Variants in EP300 observed in about 807,000 individuals in gnomAD.
The protein encoded by EP300 is EP300 lysine acetyltransferase, also known as histone acetyltransferase p300.
EP300 carries 31 observed loss-of-function variants against 264.0 expected under a neutral mutation model. That is an observed-to-expected ratio of 0.12 (90% CI 0.09 to 0.16). The LOEUF (loss-of-function observed/expected upper bound fraction) is 0.16, where lower values mean the gene tolerates loss of function less well. Among genes scored for constraint, EP300 ranks in the 10% least tolerant of loss-of-function variants. EP300 has a pLI of 1.00. For synonymous variants in EP300, 1,340 were observed against 1,045.4 expected, an observed-to-expected ratio of 1.28 and a Z score of -5.44; for missense variants, 2,766 against 3,052.9, an observed-to-expected ratio of 0.91 and a Z score of 2.21.
chr22:41,140,124 G>A lies in EP300; in HGVS notation c.1761-16G>A, dbSNP rs745888999. ...TGCTGACATGATATTACAGTGGTAG[G>A]ATTTTCTTTTTCCAGCGTCCAAGCC... On this transcript the variant is annotated splice_polypyrimidine_tract_variant and intron_variant, in intron 8 of 30. Transcript: ENST00000263253. The A allele has an allele frequency of 1.3e-6, 2 of 1,554,774 alleles. No homozygotes were observed. Among genetic ancestry groups the A allele is most frequent in the Non-Finnish European group, 1.8e-6 (2 of 1,126,116 alleles).
chr22:41,104,436 C>T (rs1009939367), intron 1 of EP300, among the ~76,000 whole-genome samples: 18 of 151,932 alleles, frequency 1.2e-4, no homozygotes, highest in African/African-American at 3.9e-4. Flanking sequence ...ATTACAGGCG[C>T]CCGCCACCAC....
At chr22:41,133,121 GGCATGA>G (rs1295890386) in intron 6 of EP300, among the ~76,000 whole-genome samples, 6 of 151,904 alleles carry the variant, frequency 3.9e-5, no homozygotes, top group Admixed American at 3.9e-4. Context: ...TGGGATTACA[GGCATGA>G]GCCACCGCAC....
chr22:41,147,793 T>G, intron 11 of EP300, 44 bp from the exon 12 acceptor site: 1 of 1,281,312 alleles, frequency 7.8e-7, no homozygotes, highest in South Asian at 1.2e-5. Flanking sequence ...TATTATTCAA[T>G]TTCACAAAGG....
chr22:41,142,517 G>A (rs1438967081), intron 10 of EP300, among the ~76,000 whole-genome samples: 1 of 152,084 alleles, frequency 6.6e-6, no homozygotes, highest in Non-Finnish European at 1.5e-5. Flanking sequence ...CAAATTTTCA[G>A]GAATGAAAAA....
Position 41,178,968 on chromosome 22 carries a change from AG to A in EP300, c.*13del. 8.2e-6 allele frequency: 7 copies of A among 851,134 alleles called. No homozygotes were observed. The Admixed American group carries it at 4.6e-4, about 56-fold the overall frequency. The allele number at this position is 851,134 out of a possible 1,614,324, so 52.7% of individuals were successfully genotyped here. ...TAGACATACACTAGAGACACCTTGT[AG>A]TATTTTGGGAGCAAAAAAATTATTT... is the stretch of plus-strand genomic sequence containing the variant. On this transcript the variant is annotated 3_prime_UTR_variant, in exon 31 of 31. Coordinates refer to ENST00000263253, the MANE Select transcript of EP300 (RefSeq NM_001429.4).
chr22:41,118,797 GAAAA>G (rs34868121), intron 2 of EP300, among the ~76,000 whole-genome samples: 4 of 86,284 alleles, frequency 4.6e-5, no homozygotes, highest in Non-Finnish European at 7.5e-5. Context: ...TATTTAAGGG[GAAAA>G]AAAAAAAAAG....
chr22:41,173,661 T>G lies in EP300; in HGVS notation c.4656T>G (p.Asn1552Lys), dbSNP rs376183002. The change falls in exon 29 of 31, where the codon AAT becomes AAG. Residue 1552 changes from asparagine to lysine, a missense_variant. Physicochemically the swap from Asn to Lys is moderately conservative, Grantham distance 94. Coordinates refer to ENST00000263253, the MANE Select transcript of EP300 (RefSeq NM_001429.4). ...ACAGCAAAAATGCTAAAAAGAAGAA[T>G]AATAAGAAAACCAGCAAAAATAAGA... ...KGDSKNAKKK[N>K]NKKTSKNKSS... is the part of the protein sequence containing the mutation. 1 of 1,614,074 alleles carries G rather than the reference T, an allele frequency of 6.2e-7. No homozygotes were observed. Among genetic ancestry groups the G allele is most frequent in the East Asian group, 2.2e-5 (1 of 44,886 alleles).
chr22:41,163,157 C>T (rs374557151), intron 21 of EP300, among the ~76,000 whole-genome samples: 2 of 152,102 alleles, frequency 1.3e-5, no homozygotes, highest in East Asian at 1.9e-4. Flanking sequence ...AGGTTTTGGC[C>T]GGGCACGGTG....
At position 41,151,065 on chromosome 22, in the gene EP300, C is replaced by CT. The variant is rs550811157; in HGVS notation, c.2818-761dup. Among the ~76,000 whole-genome samples the CT allele has an allele frequency of 1.8e-4, 27 of 151,958 alleles. 1 individual carries two copies. In the South Asian group the frequency reaches 5.0e-3, roughly 28 times the overall value. ...AATAGTTGAATCCTTATTAATAGAA[C>CT]TTTTTTTAAGGGTTTAGAAGCTTCT... On this transcript the variant is annotated intron_variant, in intron 14 of 30. Transcript: ENST00000263253.
At chr22:41,155,189 A>G (rs1601623409) in intron 17 of EP300, 76 bp downstream of exon 17, 2 of 1,101,254 alleles carry the variant, frequency 1.8e-6, no homozygotes, top group East Asian at 2.4e-5. Context: ...TCACATTCCA[A>G]ACAGTATAGC....
chr22:41,165,462 T>C (rs905562024), intron 22 of EP300, among the ~76,000 whole-genome samples: 1 of 152,140 alleles, frequency 6.6e-6, no homozygotes, highest in African/African-American at 2.4e-5. Context: ...TCGCTCTTGT[T>C]GCCCAGGCTG....
intron 8 of EP300, 97 bp from the exon 9 acceptor site, chr22:41,140,042 AT>A (rs1465024028): frequency 2.3e-6 from 2 of 851,872 alleles, no homozygotes; most frequent in South Asian, 1.4e-5. Context: ...CCTTGCCATT[AT>A]TTTTTCTTTT....
chr22:41,117,268 G>A lies in EP300; in HGVS notation c.176G>A (p.Gly59Asp). The A allele has an allele frequency of 6.2e-7, 1 of 1,614,154 alleles. No individual in the cohort carries two copies. Among genetic ancestry groups the A allele is most frequent in the South Asian group, 1.1e-5 (1 of 91,082 alleles). Reference protein sequence around the residue: ...NSTELGLTNGGDINQLQTSLG... With the variant: ...NSTELGLTNGDDINQLQTSLG... ...ACAGAATTGGGACTAACCAATGGTG[G>A]TGATATTAATCAGCTTCAGACAAGT... is the stretch of plus-strand genomic sequence containing the variant. Residue 59 changes from glycine to aspartate, a missense_variant, in exon 2 of 31, where the codon GGT (glycine) becomes GAT (aspartate). Physicochemically the swap from Gly to Asp is moderately conservative, Grantham distance 94. Coordinates refer to ENST00000263253, the MANE Select transcript of EP300 (RefSeq NM_001429.4).
At chr22:41,121,585 T>G (rs1300913541) in intron 2 of EP300, among the ~76,000 whole-genome samples, 1 of 152,182 alleles carries the variant, frequency 6.6e-6, no homozygotes, top group Non-Finnish European at 1.5e-5. Context: ...GTCTGTGTAT[T>G]TAAACCCATA....
chr22:41,158,373 A>C, intron 18 of EP300, 39 bp from the exon 19 acceptor site: 3 of 1,552,798 alleles, frequency 1.9e-6, no homozygotes, highest in Non-Finnish European at 2.7e-6. Flanking sequence ...GCTTGTCCTT[A>C]AGGCCTCTGT....
intron 2 of EP300, among the ~76,000 whole-genome samples, chr22:41,122,407 C>G (rs535063671): frequency 3.1e-4 from 47 of 152,150 alleles, no homozygotes; most frequent in African/African-American, 1.1e-3. Flanking sequence ...CTCAGGTGAT[C>G]CATCCACCGC....
chr22:41,179,922 A>T lies in EP300; in HGVS notation c.*966A>T, dbSNP rs950400251. On this transcript the variant is annotated 3_prime_UTR_variant, in exon 31 of 31. Transcript: ENST00000263253. ...CACACACACACACACACACACACAC[A>T]CTTTCTATAAAACTTGAAAATAGCA... 4.0e-5 allele frequency: 7 copies of T among 175,590 alleles called. 1 individual carries two copies. The highest frequency in any genetic ancestry group is 2.3e-4 in the South Asian group (1 of 4,436). The allele number at this position is 175,590 out of a possible 1,614,324, so 10.9% of individuals were successfully genotyped here.
chr22:41,109,264 A>AAC (rs962034777), intron 1 of EP300, among the ~76,000 whole-genome samples: 7 of 151,690 alleles, frequency 4.6e-5, no homozygotes, highest in African/African-American at 1.5e-4. Flanking sequence ...AAAAAAAAAA[A>AAC]AAAACAAAAA....
At position 41,117,414 on chromosome 22, in the gene EP300, G is replaced by C; in HGVS notation, c.322G>C (p.Ala108Pro). Reference protein sequence around the residue: ...GGPGQVMASQAQQSSPGLGLI... With the variant: ...GGPGQVMASQPQQSSPGLGLI... Reference sequence around the variant, plus strand: ...CCCAGGTCAAGTCATGGCCAGCCAGGCCCAACAGAGCAGTCCTGGATTAGG... The same window carrying C: ...CCCAGGTCAAGTCATGGCCAGCCAGCCCCAACAGAGCAGTCCTGGATTAGG... The change falls in exon 2 of 31, where the codon GCC becomes CCC. Residue 108 changes from alanine to proline, a missense_variant. Physicochemically the swap from Ala to Pro is conservative, Grantham distance 27. Transcript: ENST00000263253. 1 of 1,614,202 alleles carries C rather than the reference G, an allele frequency of 6.2e-7. No homozygotes were observed. The highest frequency in any genetic ancestry group is 1.1e-5 in the South Asian group (1 of 91,078).
Sources: allele counts gnomAD v4.1 joint callset (sites outside exome capture counted in the v4.1 genomes callset), GRCh38; gene constraint gnomAD v4.1.1; transcripts MANE v1.5; gene names NCBI Gene and HGNC (gene_info 2026-07-23, HGNC 2026-07-21).